PLA2G4A: variants seen among roughly 807,000 people sequenced by gnomAD.
PLA2G4A encodes phospholipase A2 group IVA.
PLA2G4A carries 40 observed loss-of-function variants against 81.9 expected under a neutral mutation model. That is an observed-to-expected ratio of 0.49 (90% CI 0.38 to 0.64). The LOEUF is 0.64. Ranked by LOEUF, PLA2G4A falls within the 30% of genes least tolerant of loss-of-function variation. PLA2G4A has a pLI of 0.00. For synonymous variants in PLA2G4A, 302 were observed against 296.9 expected, an observed-to-expected ratio of 1.02 and a Z score of -0.18; for missense variants, 715 against 905.1, an observed-to-expected ratio of 0.79 and a Z score of 2.69.
intron 16 of PLA2G4A, among the ~76,000 whole-genome samples, 163 bp downstream of exon 16, chr1:186,977,951 C>CT (rs1436710865): frequency 6.6e-6 from 1 of 152,210 alleles, no homozygotes; most frequent in Non-Finnish European, 1.5e-5. Context: ...AGTACTTCTC[C>CT]TCTTTCTTAC....
At chr1:186,928,783 T>G (rs1167198368) in intron 7 of PLA2G4A, among the ~76,000 whole-genome samples, 1 of 152,254 alleles carries the variant, frequency 6.6e-6, no homozygotes, top group Non-Finnish European at 1.5e-5. Flanking sequence ...CGTACCAGGA[T>G]AATTAAATCA....
chr1:186,927,155 G>A (rs1412264829), intron 7 of PLA2G4A, among the ~76,000 whole-genome samples: 4 of 152,282 alleles, frequency 2.6e-5, no homozygotes, highest in African/African-American at 7.2e-5. Flanking sequence ...ATTCAGCTGC[G>A]ATTGTTCTGT....
intron 5 of PLA2G4A, among the ~76,000 whole-genome samples, chr1:186,900,080 T>G (rs904888200): frequency 1.3e-5 from 2 of 152,198 alleles, no homozygotes; most frequent in African/African-American, 4.8e-5. Flanking sequence ...TAAACTGTAT[T>G]TGTTGGAGTC....
At chr1:186,833,477 C>G (rs985599243) in intron 1 of PLA2G4A, among the ~76,000 whole-genome samples, 2 of 152,094 alleles carry the variant, frequency 1.3e-5, no homozygotes, top group African/African-American at 4.8e-5. Context: ...TCAGTTCTGG[C>G]CAACTCTTTG....
At chr1:186,897,282 T>A (rs1457069250) in intron 5 of PLA2G4A, among the ~76,000 whole-genome samples, 2 of 152,184 alleles carry the variant, frequency 1.3e-5, no homozygotes, top group Admixed American at 1.3e-4. Flanking sequence ...AGAGCCCTGC[T>A]TTATTCACTT....
At chr1:186,849,801 C>T (rs534200714) in intron 1 of PLA2G4A, among the ~76,000 whole-genome samples, 1 of 152,034 alleles carries the variant, frequency 6.6e-6, no homozygotes, top group African/African-American at 2.4e-5. Context: ...GAGATGGAAT[C>T]TCCAAGAGGG....
intron 3 of PLA2G4A, among the ~76,000 whole-genome samples, chr1:186,877,582 C>A (rs559411388): frequency 6.6e-6 from 1 of 151,236 alleles, no homozygotes; most frequent in Non-Finnish European, 1.5e-5. Flanking sequence ...AACACTTTTC[C>A]GAAAACACTT....
intron 10 of PLA2G4A, among the ~76,000 whole-genome samples, chr1:186,944,077 A>T (rs914571648): frequency 5.9e-5 from 9 of 152,138 alleles, no homozygotes; most frequent in Admixed American, 3.9e-4. Context: ...GTGTGATGCA[A>T]TGATGGATTT....
chr1:186,956,497 T>C (rs952058108), intron 14 of PLA2G4A, among the ~76,000 whole-genome samples, 153 bp downstream of exon 14: 1 of 151,724 alleles, frequency 6.6e-6, no homozygotes, highest in East Asian at 1.9e-4. Flanking sequence ...ATGACTAGGG[T>C]TTTTTTTTTG....
At position 186,891,829 on chromosome 1, in the gene PLA2G4A, TTGG is replaced by T. The variant is rs1352134972; in HGVS notation, c.116-1180_116-1178del. Reference sequence around the variant, plus strand: ...AGTATATACTCAGCAGTGGGATTGCTTGGTCATATGGTAGCTCTATTTTTAGGT... The same window carrying T: ...AGTATATACTCAGCAGTGGGATTGCTTCATATGGTAGCTCTATTTTTAGGT... On this transcript the variant is annotated intron_variant, in intron 3 of 17. Transcript: ENST00000367466. Among the ~76,000 whole-genome samples, 3 of 152,300 alleles carry T rather than the reference TTGG, an allele frequency of 2.0e-5. No individual in the cohort carries two copies. The East Asian group carries it at 5.8e-4, about 29-fold the overall frequency.
At chr1:186,835,981 C>T (rs1297994644) in intron 1 of PLA2G4A, among the ~76,000 whole-genome samples, 3 of 151,908 alleles carry the variant, frequency 2.0e-5, no homozygotes, top group Non-Finnish European at 2.9e-5. Context: ...GCATTTTTTC[C>T]CTCTCACCTT....
At chr1:186,857,248 G>C (rs1403861820) in intron 2 of PLA2G4A, among the ~76,000 whole-genome samples, 1 of 77,756 alleles carries the variant, frequency 1.3e-5, no homozygotes, top group Non-Finnish European at 2.5e-5. Context: ...ACATGTGGGG[G>C]CTGCATGGCA....
At chr1:186,966,728 C>T (rs1012025255) in intron 15 of PLA2G4A, among the ~76,000 whole-genome samples, 4 of 152,168 alleles carry the variant, frequency 2.6e-5, no homozygotes, top group African/African-American at 9.6e-5. Flanking sequence ...TTAGACACAG[C>T]TCAAGTGTTA....
chr1:186,912,327 C>T (rs1430857268), intron 7 of PLA2G4A, among the ~76,000 whole-genome samples: 1 of 152,132 alleles, frequency 6.6e-6, no homozygotes, highest in Non-Finnish European at 1.5e-5. Context: ...CATCCAAGTC[C>T]ATAGTTTACG....
intron 1 of PLA2G4A, among the ~76,000 whole-genome samples, chr1:186,842,606 T>A (rs913616659): frequency 2.6e-5 from 4 of 152,146 alleles, no homozygotes; most frequent in African/African-American, 9.7e-5. Flanking sequence ...CCTAATCCAA[T>A]TTGACTAGTG....
At chr1:186,932,737 C>G (rs757036719) in intron 7 of PLA2G4A, 26 bp from the exon 8 acceptor site, 53 of 1,608,298 alleles carry the variant, frequency 3.3e-5, no homozygotes, top group Non-Finnish European at 4.2e-5. Flanking sequence ...ACTTTGTGTA[C>G]AAATCTCTCT....
At chr1:186,834,091 G>A (rs1445987432) in intron 1 of PLA2G4A, among the ~76,000 whole-genome samples, 1 of 151,986 alleles carries the variant, frequency 6.6e-6, no homozygotes, top group East Asian at 1.9e-4. Flanking sequence ...GTAAACAAAT[G>A]TCATTAATAT....
At position 186,871,080 on chromosome 1, in the gene PLA2G4A, G is replaced by A. The variant is rs558946739; in HGVS notation, c.115+564G>A. 3.3e-5 allele frequency among the ~76,000 whole-genome samples: 5 copies of A among 152,268 alleles called. No individual in the cohort carries two copies. In the South Asian group the frequency reaches 1.0e-3, roughly 32 times the overall value. Reference sequence around the variant, plus strand: ...ACAAGCTGCCTCTGTGAGGTATTATGCACTTAGAATTGTTAAAATGTAGTT... The same window carrying A: ...ACAAGCTGCCTCTGTGAGGTATTATACACTTAGAATTGTTAAAATGTAGTT... On this transcript the variant is annotated intron_variant, in intron 3 of 17. Coordinates refer to ENST00000367466, the MANE Select transcript of PLA2G4A (RefSeq NM_024420.3).
rs749875465 is a variant in PLA2G4A at position 186,988,335 on chromosome 1, T to C, written c.2119-42T>C. The C allele has an allele frequency of 1.0e-5, 16 of 1,528,818 alleles. No individual in the cohort carries two copies. The Admixed American group carries it at 1.2e-4, about 11-fold the overall frequency. 94.7% of individuals were successfully genotyped at this position (1,528,818 alleles called of 1,614,324 possible). On this transcript the variant is annotated intron_variant, in intron 17 of 17. Transcript: ENST00000367466. ...TTTAATAAAAAATATATAAATGAGTTCATAGCAGCGCTAATTATACAACTT... is the reference window on the plus strand; with the variant it reads ...TTTAATAAAAAATATATAAATGAGTCCATAGCAGCGCTAATTATACAACTT...
Sources: allele counts gnomAD v4.1 joint callset (sites outside exome capture counted in the v4.1 genomes callset), GRCh38; gene constraint gnomAD v4.1.1; transcripts MANE v1.5; gene names NCBI Gene and HGNC (gene_info 2026-07-23, HGNC 2026-07-21).